The following BRAF variants were observed in gnomAD, a reference collection of about 807,000 sequenced individuals.
The protein encoded by BRAF is B-Raf proto-oncogene, serine/threonine kinase.
In BRAF, 16 loss-of-function variants were observed where a neutral mutation model predicts 104.6. The observed-to-expected ratio is 0.15, with a 90% CI of 0.10 to 0.23. BRAF has a LOEUF of 0.23. BRAF is among the 10% of genes least tolerant of loss of function. BRAF has a pLI of 1.00. For synonymous variants in BRAF, 310 were observed against 341.6 expected (o/e 0.91, Z 1.02); for missense variants, 541 against 937.3 (o/e 0.58, Z 5.52).
intron 15 of BRAF, 31 bp from the exon 15 acceptor site, chr7:140,753,424 G>A (rs764938764): frequency 2.2e-6 from 3 of 1,391,008 alleles, no homozygotes; most frequent in Non-Finnish European, 2.0e-6. Flanking sequence ...GAAAACAGTA[G>A]ATCTCATTTT....
intron 7 of BRAF, 118 bp from the exon 8 acceptor site, chr7:140,794,585 T>C: frequency 1.6e-6 from 2 of 1,213,188 alleles, no homozygotes; most frequent in Non-Finnish European, 2.3e-6. Context: ...CATTAAAGCA[T>C]TAAAAACCTA....
chr7:140,781,087 C>T (rs945954051), intron 12 of BRAF: 1 of 164,362 alleles, frequency 6.1e-6, no homozygotes, highest in African/African-American at 2.4e-5. Context: ...CACGTGCTTC[C>T]ACACCCAGCT....
At chr7:140,755,019 T>G (rs1176860874) in intron 14 of BRAF, among the ~76,000 whole-genome samples, 1 of 152,124 alleles carries the variant, frequency 6.6e-6, no homozygotes, top group South Asian at 2.1e-4. Flanking sequence ...GCATTGTTGT[T>G]GTTGTTTTTG....
chr7:140,836,593 C>G (rs906958994), intron 2 of BRAF, among the ~76,000 whole-genome samples: 4 of 152,200 alleles, frequency 2.6e-5, no homozygotes, highest in Non-Finnish European at 5.9e-5. Context: ...GACCCTGTTT[C>G]ATAGTAGATG....
intron 1 of BRAF, among the ~76,000 whole-genome samples, chr7:140,918,903 G>A (rs1225116671): frequency 1.3e-5 from 2 of 152,206 alleles, no homozygotes; most frequent in African/African-American, 4.8e-5. Context: ...ACTTTGGGAG[G>A]CTGAGGCGGG....
chr7:140,717,797 G>T (rs1795167647), downstream of BRAF, among the ~76,000 whole-genome samples: 1 of 152,126 alleles, frequency 6.6e-6, no homozygotes, highest in South Asian at 2.1e-4. Flanking sequence ...ACACATGAAG[G>T]TTTAGAAAAT....
chr7:140,787,583 T>C lies in BRAF; in HGVS notation c.1142A>G (p.Asp381Gly). ...ACGAAATCCTTGGTCTCTAATCAAG[T>C]CCTACAAATAAATAGTAATGTATAT... ...INTIEPVNIDDLIRDQGFRGD... is the reference protein window; with the variant it reads ...INTIEPVNIDGLIRDQGFRGD... Residue 381 changes from aspartate (D) to glycine (G), a missense_variant and splice_region_variant, in exon 9 of 20, where the codon GAC becomes GGC. Physicochemically the swap from Asp to Gly is moderately conservative, Grantham distance 94 (BLOSUM62 -1). Coordinates refer to ENST00000644969, the MANE Select transcript of BRAF (RefSeq NM_001374258.1). 6.2e-7 allele frequency: 1 copy of C among 1,611,256 alleles called. No homozygotes were observed. Among genetic ancestry groups the C allele is most frequent in the South Asian group, 1.1e-5 (1 of 90,962 alleles).
At chr7:140,868,393 G>C (rs376548840) in intron 1 of BRAF, among the ~76,000 whole-genome samples, 22 of 152,066 alleles carry the variant, frequency 1.4e-4, no homozygotes, top group African/African-American at 5.3e-4. Context: ...ATTTTACTTG[G>C]TAATAAAAAG....
rs1817118713 is a variant in BRAF at position 140,912,671 on chromosome 7, T to TA, written c.138+11894dup. 5.3e-5 allele frequency among the ~76,000 whole-genome samples: 8 copies of TA among 152,310 alleles called. No individual in the cohort carries two copies. The South Asian group carries it at 1.7e-3, about 32-fold the overall frequency. ...CTTTACTTCCCCTCCTCTTCTCTCT[T>TA]AAAATCACTTCAATCAAAACATCTC... is the stretch of plus-strand genomic sequence containing the variant. On this transcript the variant is annotated intron_variant, in intron 1 of 19. Coordinates refer to ENST00000644969, the MANE Select transcript of BRAF (RefSeq NM_001374258.1).
At chr7:140,795,119 ACTG>A (rs1562963439) in intron 7 of BRAF, among the ~76,000 whole-genome samples, 1 of 152,210 alleles carries the variant, frequency 6.6e-6, no homozygotes, top group Non-Finnish European at 1.5e-5. Context: ...ATTTTTGAAA[ACTG>A]CTATTTGGAA....
At chr7:140,792,656 A>T (rs568145352) in intron 8 of BRAF, among the ~76,000 whole-genome samples, 1 of 152,276 alleles carries the variant, frequency 6.6e-6, no homozygotes, top group African/African-American at 2.4e-5. Context: ...CCTTCTCTAA[A>T]CTACCATTAT....
At position 140,723,978 on chromosome 7, in the gene BRAF, A is replaced by T; in HGVS notation, c.*2516T>A. On this transcript the variant is annotated 3_prime_UTR_variant, in exon 20 of 20. Coordinates refer to ENST00000644969, the MANE Select transcript of BRAF (RefSeq NM_001374258.1). The stretch of plus-strand genomic sequence containing the variant: ...TAGAGAAAAAACCTATTTCATAGAA[A>T]AAGGAAGAAAAGAGAGGTTTAAATA... The T allele has an allele frequency of 9.6e-7, 1 of 1,041,594 alleles. No homozygotes were observed. Among genetic ancestry groups the T allele is most frequent in the Non-Finnish European group, 1.2e-6 (1 of 864,124 alleles). The allele number at this position is 1,041,594 out of a possible 1,614,324, so 64.5% of individuals were successfully genotyped here.
intron 19 of BRAF, chr7:140,731,594 A>G (rs1357046685): frequency 1.3e-5 from 2 of 152,204 alleles, no homozygotes; most frequent in Non-Finnish European, 2.9e-5. Flanking sequence ...TAAATAGCCA[A>G]TGTTTTAGAG....
At chr7:140,829,199 T>TG (rs36014891) in intron 3 of BRAF, among the ~76,000 whole-genome samples, 18,086 of 145,290 alleles carry the variant, frequency 0.12, 1,130 homozygotes, top group Middle Eastern at 0.19. Flanking sequence ...TTTTTTTTTG[T>TG]GGGGGGGGGC....
chr7:140,766,303 G>C lies in BRAF; in HGVS notation c.1814+10609C>G, dbSNP rs183040366. Reference sequence around the variant, plus strand: ...TGGGGACTATTGTGGGGTGGGGCAGGGGGGAGGGATAGCATTAGAAGATAT... The same window carrying C: ...TGGGGACTATTGTGGGGTGGGGCAGCGGGGAGGGATAGCATTAGAAGATAT... On this transcript the variant is annotated intron_variant, in intron 14 of 19. Coordinates refer to ENST00000644969, the MANE Select transcript of BRAF (RefSeq NM_001374258.1). 3.8e-3 allele frequency among the ~76,000 whole-genome samples: 579 copies of C among 152,198 alleles called. 4 individuals are homozygous for C. The highest frequency in any genetic ancestry group is 0.011 in the African/African-American group (457 of 41,506).
In BRAF at chr7:140,726,398, A is replaced by T. The variant is rs1451383178; in HGVS notation, c.*96T>A. On this transcript the variant is annotated 3_prime_UTR_variant, in exon 20 of 20. Coordinates refer to ENST00000644969, the MANE Select transcript of BRAF (RefSeq NM_001374258.1). ...TATGCATTGGAAATTTTGTATCTTT[A>T]AAAAAAGATTTGAGGAACAGAACTG... 1.3e-6 allele frequency: 2 copies of T among 1,506,618 alleles called. No homozygotes were observed. Among genetic ancestry groups the T allele is most frequent in the East Asian group, 2.5e-5 (1 of 40,490 alleles). The allele number at this position is 1,506,618 out of a possible 1,614,324, so 93.3% of individuals were successfully genotyped here.
chr7:140,911,665 T>C lies in BRAF; in HGVS notation c.138+12901A>G, dbSNP rs140673101. On this transcript the variant is annotated intron_variant, in intron 1 of 19. Coordinates refer to ENST00000644969, the MANE Select transcript of BRAF (RefSeq NM_001374258.1). ...AAACATGAGCAAAGACAAGTCAAAT[T>C]TGGAGAGTGTTTGAAAGAAAGTAAT... Among the ~76,000 whole-genome samples, 418 of 152,160 alleles carry C rather than the reference T, an allele frequency of 2.7e-3. 2 individuals are homozygous for C. Among genetic ancestry groups the C allele is most frequent in the Non-Finnish European group, 4.6e-3 (316 of 67,996 alleles).
At chr7:140,816,439 C>T (rs890798293) in intron 3 of BRAF, among the ~76,000 whole-genome samples, 6 of 152,136 alleles carry the variant, frequency 3.9e-5, no homozygotes, top group Non-Finnish European at 5.9e-5. Flanking sequence ...AATGTTAAAG[C>T]TTCTGGTATT....
chr7:140,736,290 A>C (rs964130491), intron 18 of BRAF, among the ~76,000 whole-genome samples: 1 of 151,452 alleles, frequency 6.6e-6, no homozygotes, highest in South Asian at 2.1e-4. Context: ...GCTGGTCTCG[A>C]ACTCCTAACC....
Sources: gnomAD v4.1 joint callset for allele counts (sites outside exome capture counted in the v4.1 genomes callset) on GRCh38, gnomAD v4.1.1 for gene constraint, MANE v1.5 for transcripts, NCBI Gene and HGNC (gene_info 2026-07-23, HGNC 2026-07-21) for gene names.